The following CDK14 variants were observed in gnomAD, a reference collection of about 807,000 sequenced individuals.
The protein encoded by CDK14 is cyclin-dependent kinase 14.
A neutral mutation model predicts 60.7 loss-of-function variants in CDK14; 34 were observed. The ratio of observed to expected loss-of-function variants is 0.56; its 90% CI spans 0.43 to 0.75. The LOEUF (loss-of-function observed/expected upper bound fraction) is 0.75, where lower values mean the gene tolerates loss of function less well. Among genes scored for constraint, CDK14 ranks in the 30% least tolerant of loss-of-function variants. CDK14 has a pLI of 0.00. For missense variants in CDK14, 482 were observed against 564.1 expected, an observed-to-expected ratio of 0.85 and a Z score of 1.47; for synonymous variants, 197 against 203.7, an observed-to-expected ratio of 0.97 and a Z score of 0.28.
intron 2 of CDK14, among the ~76,000 whole-genome samples, chr7:90,682,424 T>C (rs1195627110): frequency 6.6e-6 from 1 of 152,216 alleles, no homozygotes; most frequent in African/African-American, 2.4e-5. Context: ...TCTGTCGGTC[T>C]ATTGTGTGTG....
chr7:90,983,449 A>G (rs1795287218), intron 9 of CDK14, among the ~76,000 whole-genome samples: 2 of 152,052 alleles, frequency 1.3e-5, no homozygotes, highest in Non-Finnish European at 2.9e-5. Flanking sequence ...GGAGGCCGAG[A>G]CGGGCGGATC....
intron 2 of CDK14, among the ~76,000 whole-genome samples, chr7:90,715,336 A>G (rs551612824): frequency 6.6e-6 from 1 of 152,192 alleles, no homozygotes; most frequent in South Asian, 2.1e-4. Context: ...AACATTAAGC[A>G]TATGTGTGTA....
chr7:91,181,685 A>C (rs968811736), intron 14 of CDK14, among the ~76,000 whole-genome samples: 11 of 152,166 alleles, frequency 7.2e-5, no homozygotes, highest in Admixed American at 3.3e-4. Context: ...ATAGTTTCCT[A>C]ATATCCTCCA....
chr7:91,113,668 A>C (rs1799533600), intron 13 of CDK14, among the ~76,000 whole-genome samples: 1 of 152,202 alleles, frequency 6.6e-6, no homozygotes, highest in African/African-American at 2.4e-5. Flanking sequence ...TACATCACTT[A>C]CAGTAGACAT....
At chr7:90,738,082 A>T (rs1803194512) in intron 3 of CDK14, among the ~76,000 whole-genome samples, 1 of 151,864 alleles carries the variant, frequency 6.6e-6, no homozygotes, top group South Asian at 2.1e-4. Flanking sequence ...AAGCATGTTT[A>T]ATATTTCCTC....
chr7:90,965,937 A>T (rs1223425448), intron 9 of CDK14, among the ~76,000 whole-genome samples: 1 of 151,876 alleles, frequency 6.6e-6, no homozygotes, highest in African/African-American at 2.4e-5. Context: ...CCCTGGAGGG[A>T]ATTGGGTTCT....
At chr7:90,959,881 C>T (rs1794549880) in intron 9 of CDK14, among the ~76,000 whole-genome samples, 1 of 152,074 alleles carries the variant, frequency 6.6e-6, no homozygotes, top group Admixed American at 6.6e-5. Context: ...TGTTTTATCT[C>T]CCTCTGTAAA....
At chr7:91,072,342 T>G (rs775403960) in intron 11 of CDK14, among the ~76,000 whole-genome samples, 2 of 152,086 alleles carry the variant, frequency 1.3e-5, no homozygotes, top group Admixed American at 6.6e-5. Context: ...TTCTCCAGCC[T>G]CCTCAAGTTC....
chr7:90,611,297 T>C (rs1212374288), intron 2 of CDK14, among the ~76,000 whole-genome samples: 2 of 152,198 alleles, frequency 1.3e-5, no homozygotes, highest in East Asian at 3.9e-4. Flanking sequence ...ACACTTGACG[T>C]CAGTGTGGCT....
chr7:90,891,369 C>T (rs1309741835), intron 6 of CDK14, among the ~76,000 whole-genome samples: 4 of 152,328 alleles, frequency 2.6e-5, no homozygotes, highest in Non-Finnish European at 4.4e-5. Context: ...ATTTTTAAAA[C>T]AATGTGTTCA....
At chr7:90,805,502 G>A (rs1050384753) in intron 5 of CDK14, among the ~76,000 whole-genome samples, 1 of 151,778 alleles carries the variant, frequency 6.6e-6, no homozygotes, top group African/African-American at 2.4e-5. Flanking sequence ...ACAAAATTTA[G>A]AATACAATAC....
intron 5 of CDK14, among the ~76,000 whole-genome samples, chr7:90,835,643 C>G (rs1372039839): frequency 5.9e-5 from 9 of 152,188 alleles, no homozygotes; most frequent in Admixed American, 5.9e-4. Flanking sequence ...ACCTCCTCCT[C>G]CTGCTCCTCT....
At chr7:90,985,118 A>G (rs1331344142) in intron 10 of CDK14, among the ~76,000 whole-genome samples, 1 of 152,218 alleles carries the variant, frequency 6.6e-6, no homozygotes, top group Non-Finnish European at 1.5e-5. Context: ...AGTGGTATAC[A>G]TGAGCTCTCT....
intron 11 of CDK14, among the ~76,000 whole-genome samples, chr7:91,056,178 G>A (rs1434397019): frequency 6.6e-6 from 1 of 152,128 alleles, no homozygotes; most frequent in African/African-American, 2.4e-5. Context: ...ACCTTGAGTA[G>A]GACACTGTAT....
chr7:91,177,937 C>A (rs1343489454), intron 14 of CDK14, among the ~76,000 whole-genome samples: 2 of 144,190 alleles, frequency 1.4e-5, no homozygotes, highest in Non-Finnish European at 3.0e-5. Context: ...CAATGCCTTT[C>A]TTCACAGAAT....
intron 2 of CDK14, among the ~76,000 whole-genome samples, chr7:90,681,671 A>G (rs776757185): frequency 6.6e-6 from 1 of 152,238 alleles, no homozygotes; most frequent in East Asian, 1.9e-4. Context: ...TGCATTAAAA[A>G]TAGGATACAG....
intron 10 of CDK14, among the ~76,000 whole-genome samples, chr7:90,988,899 C>G (rs901136852): frequency 6.6e-6 from 1 of 152,032 alleles, no homozygotes; most frequent in African/African-American, 2.4e-5. Flanking sequence ...AAATTTCATC[C>G]ACTGGTTGTT....
intron 2 of CDK14, among the ~76,000 whole-genome samples, chr7:90,712,365 T>C (rs1802097379): frequency 6.6e-6 from 1 of 151,912 alleles, no homozygotes; most frequent in South Asian, 2.1e-4. Context: ...TTTGGCATTC[T>C]AGGTACCTCA....
chr7:90,632,312 C>G (rs376753837), intron 2 of CDK14: 13 of 311,204 alleles, frequency 4.2e-5, no homozygotes, highest in East Asian at 9.8e-5. Flanking sequence ...AAAACTGTCT[C>G]AGAGGCTGAA....
Sources: allele counts gnomAD v4.1 joint callset (sites outside exome capture counted in the v4.1 genomes callset), GRCh38; gene constraint gnomAD v4.1.1; transcripts MANE v1.5; gene names NCBI Gene and HGNC (gene_info 2026-07-23, HGNC 2026-07-21).